CTNND2: variants seen among roughly 807,000 people sequenced by gnomAD.
CTNND2 encodes catenin delta-2.
Under a neutral mutation model 144.4 loss-of-function variants are expected in CTNND2, and 22 were observed. That is an observed-to-expected ratio of 0.15 (90% CI 0.11 to 0.22). CTNND2 has a LOEUF of 0.22. Among genes scored for constraint, CTNND2 ranks in the 10% least tolerant of loss-of-function variants. The pLI is 1.00. For missense variants in CTNND2, 1,353 were observed against 1,618.8 expected, an observed-to-expected ratio of 0.84 and a Z score of 2.82; for synonymous variants, 751 against 695.6, an observed-to-expected ratio of 1.08 and a Z score of -1.25.
At chr5:11,785,288 T>C (rs1790766593) in intron 1 of CTNND2, among the ~76,000 whole-genome samples, 1 of 152,136 alleles carries the variant, frequency 6.6e-6, no homozygotes. Flanking sequence ...ACAAGTTATT[T>C]TGCAAGCCAT....
rs139464548 is a variant in CTNND2 at position 11,592,436 on chromosome 5, T to C, written c.175-27380A>G. The stretch of plus-strand genomic sequence containing the variant: ...CATGAGTTTGTGCTGATTTATTTCC[T>C]AGTATTATTGTAAATGGAATTTTAT... On this transcript the variant is annotated intron_variant, in intron 2 of 21. Transcript: ENST00000304623. 4.2e-4 allele frequency among the ~76,000 whole-genome samples: 64 copies of C among 152,304 alleles called. 3 individuals carry two copies. The East Asian group carries it at 0.012, about 29-fold the overall frequency.
intron 9 of CTNND2, among the ~76,000 whole-genome samples, chr5:11,277,332 A>G (rs1180593584): frequency 1.3e-5 from 2 of 152,032 alleles, no homozygotes; most frequent in African/African-American, 4.8e-5. Flanking sequence ...CACATCATCA[A>G]TGAAGATGGA....
At chr5:11,771,368 T>C (rs1789925142) in intron 1 of CTNND2, among the ~76,000 whole-genome samples, 1 of 152,096 alleles carries the variant, frequency 6.6e-6, no homozygotes, top group Admixed American at 6.6e-5. Flanking sequence ...GTGATCTGCC[T>C]GCCTCTGTTA....
intron 11 of CTNND2, among the ~76,000 whole-genome samples, chr5:11,179,173 G>T (rs1318918011): frequency 6.6e-6 from 1 of 151,636 alleles, no homozygotes; most frequent in Non-Finnish European, 1.5e-5. Context: ...GTGCCCTGTA[G>T]TCTCAGCTAC....
intron 12 of CTNND2, among the ~76,000 whole-genome samples, chr5:11,150,758 C>A (rs1757689978): frequency 6.6e-6 from 1 of 151,550 alleles, no homozygotes; most frequent in Non-Finnish European, 1.5e-5. Context: ...TCCTGAGTAG[C>A]TGGGATTACA....
intron 14 of CTNND2, among the ~76,000 whole-genome samples, chr5:11,104,024 A>G (rs1752171590): frequency 1.3e-5 from 2 of 152,208 alleles, no homozygotes; most frequent in South Asian, 4.1e-4. Context: ...GGCTTCATAC[A>G]GTCTCCGCCA....
chr5:11,040,202 C>T (rs1268533398), intron 16 of CTNND2, among the ~76,000 whole-genome samples: 2 of 152,030 alleles, frequency 1.3e-5, no homozygotes, highest in African/African-American at 2.4e-5. Flanking sequence ...GCTGAGATCA[C>T]GCCATTGCAC....
chr5:11,147,138 A>G (rs775585925), intron 12 of CTNND2, among the ~76,000 whole-genome samples: 3 of 152,228 alleles, frequency 2.0e-5, no homozygotes, highest in Non-Finnish European at 2.9e-5. Flanking sequence ...CAAAACTGAT[A>G]CTGATCAAAG....
At chr5:11,182,019 CGTGTGTGATG>C (rs1735090693) in intron 11 of CTNND2, among the ~76,000 whole-genome samples, 1 of 20,644 alleles carries the variant, frequency 4.8e-5, no homozygotes, top group African/African-American at 2.5e-4. Flanking sequence ...GTGTGTGTGG[CGTGTGTGATG>C]TATGTGTGGT....
At chr5:11,588,406 T>C (rs547497631) in intron 2 of CTNND2, among the ~76,000 whole-genome samples, 1 of 152,302 alleles carries the variant, frequency 6.6e-6, no homozygotes, top group South Asian at 2.1e-4. Flanking sequence ...AATCATAACT[T>C]TCATAAAATC....
chr5:11,709,766 T>C (rs1785918172), intron 2 of CTNND2, among the ~76,000 whole-genome samples: 1 of 152,222 alleles, frequency 6.6e-6, no homozygotes, highest in Non-Finnish European at 1.5e-5. Context: ...CCTTTTACTA[T>C]GGAGAGATTT....
At chr5:11,586,999 G>A (rs1453602414) in intron 2 of CTNND2, among the ~76,000 whole-genome samples, 1 of 152,064 alleles carries the variant, frequency 6.6e-6, no homozygotes, top group African/African-American at 2.4e-5. Context: ...AAGGGAATGG[G>A]CAAACATAAT....
intron 11 of CTNND2, among the ~76,000 whole-genome samples, chr5:11,173,070 T>A (rs950649562): frequency 6.6e-6 from 1 of 152,248 alleles, no homozygotes. Flanking sequence ...ACCAGCTCCA[T>A]ATATACAACA....
intron 18 of CTNND2, among the ~76,000 whole-genome samples, chr5:11,011,678 T>C (rs970580305): frequency 3.0e-4 from 45 of 152,140 alleles, no homozygotes; most frequent in Admixed American, 2.9e-3. Context: ...ACCCTTTCCA[T>C]AGTAACTTTA....
At chr5:11,661,326 C>T (rs1581684316) in intron 2 of CTNND2, among the ~76,000 whole-genome samples, 1 of 152,168 alleles carries the variant, frequency 6.6e-6, no homozygotes, top group Admixed American at 6.5e-5. Context: ...ATGGATTCCA[C>T]AAGACATGGT....
chr5:11,318,554 T>C (rs187168909), intron 9 of CTNND2, among the ~76,000 whole-genome samples: 1 of 152,266 alleles, frequency 6.6e-6, no homozygotes, highest in Admixed American at 6.5e-5. Flanking sequence ...CTGATTTCTT[T>C]TCTCAGTGAG....
chr5:11,168,534 C>T (rs1471386252), intron 11 of CTNND2, among the ~76,000 whole-genome samples: 2 of 152,178 alleles, frequency 1.3e-5, no homozygotes, highest in Non-Finnish European at 2.9e-5. Flanking sequence ...GAACTATAGC[C>T]TTCCTCAATG....
At chr5:11,280,826 A>G (rs1747038392) in intron 9 of CTNND2, among the ~76,000 whole-genome samples, 1 of 152,078 alleles carries the variant, frequency 6.6e-6, no homozygotes, top group African/African-American at 2.4e-5. Flanking sequence ...TCCAGCCCTG[A>G]AGACTATTAT....
chr5:11,096,983 G>A (rs1478504123), intron 15 of CTNND2, among the ~76,000 whole-genome samples: 2 of 152,176 alleles, frequency 1.3e-5, no homozygotes, highest in Non-Finnish European at 2.9e-5. Flanking sequence ...ATGAGCACGT[G>A]AGTGGTCATG....
Sources: gnomAD v4.1 joint callset for allele counts (sites outside exome capture counted in the v4.1 genomes callset) on GRCh38, gnomAD v4.1.1 for gene constraint, MANE v1.5 for transcripts, NCBI Gene and HGNC (gene_info 2026-07-23, HGNC 2026-07-21) for gene names.